The following WWC2 variants were observed in gnomAD, a reference collection of about 807,000 sequenced individuals.
WWC2 encodes the protein protein WWC2.
A neutral mutation model predicts 138.5 loss-of-function variants in WWC2; 101 were observed. The ratio of observed to expected loss-of-function variants is 0.73; its 90% CI spans 0.62 to 0.86. The LOEUF (loss-of-function observed/expected upper bound fraction) is 0.86. WWC2 is among the 40% of genes least tolerant of loss of function. The probability of loss-of-function intolerance (pLI) is 0.00; values close to 1 mark genes in which losing one functional copy is unlikely to be tolerated. For missense variants in WWC2, 1,420 were observed against 1,419.4 expected, an observed-to-expected ratio of 1.00 and a Z score of -0.01; for synonymous variants, 558 against 538.4, an observed-to-expected ratio of 1.04 and a Z score of -0.50.
intron 14 of WWC2, among the ~76,000 whole-genome samples, chr4:183,267,021 G>GA (rs1737524101): frequency 6.6e-6 from 1 of 151,924 alleles, no homozygotes; most frequent in African/African-American, 2.4e-5. Context: ...GAAGAATAGA[G>GA]ATAGTGGCTT....
chr4:183,205,765 C>G (rs1735430504), intron 2 of WWC2, among the ~76,000 whole-genome samples: 1 of 152,148 alleles, frequency 6.6e-6, no homozygotes. Context: ...GCTGTGGTCT[C>G]CACTGGATTC....
intron 4 of WWC2, among the ~76,000 whole-genome samples, chr4:183,225,638 ATAAC>A (rs1302643661): frequency 4.6e-5 from 7 of 152,242 alleles, no homozygotes; most frequent in African/African-American, 9.6e-5. Context: ...ATCAAATGCA[ATAAC>A]TAACAGGATG....
chr4:183,230,855 G>C (rs1428310105), intron 4 of WWC2, among the ~76,000 whole-genome samples: 1 of 152,106 alleles, frequency 6.6e-6, no homozygotes, highest in East Asian at 1.9e-4. Context: ...AAGAAATAAA[G>C]AGACATGAGA....
intron 4 of WWC2, among the ~76,000 whole-genome samples, chr4:183,220,833 CAAAAAG>C (rs1735914098): frequency 9.5e-6 from 1 of 105,076 alleles, no homozygotes; most frequent in Non-Finnish European, 1.9e-5. Context: ...GACTCCGTCT[CAAAAAG>C]AAAAAAAAAA....
chr4:183,143,820 CA>C (rs112704293), intron 1 of WWC2, among the ~76,000 whole-genome samples: 94 of 139,668 alleles, frequency 6.7e-4, no homozygotes, highest in Admixed American at 8.6e-4. Context: ...CTCCTCCCCG[CA>C]AAAAAAAAAA....
At chr4:183,238,805 TA>T (rs1736515371) in intron 4 of WWC2, among the ~76,000 whole-genome samples, 1 of 152,182 alleles carries the variant, frequency 6.6e-6, no homozygotes, top group Admixed American at 6.5e-5. Flanking sequence ...TGGTAATTAC[TA>T]AGATTTCTTT....
At position 183,249,370 on chromosome 4, in the gene WWC2, C is replaced by G. The variant is rs369741088; in HGVS notation, c.879+510C>G. 3.3e-4 allele frequency among the ~76,000 whole-genome samples: 50 copies of G among 152,206 alleles called. 1 individual carries two copies. In the East Asian group the frequency reaches 5.8e-3, roughly 18 times the overall value. ...TTTTACCTTCTCCATTTTGGGATGC[C>G]ATTAGCAGGTATTTACTTCTCAATA... is the stretch of plus-strand genomic sequence containing the variant. On this transcript the variant is annotated intron_variant, in intron 7 of 22. Transcript: ENST00000403733.
intron 1 of WWC2, among the ~76,000 whole-genome samples, chr4:183,187,725 T>G (rs1335819882): frequency 6.6e-6 from 1 of 151,046 alleles, no homozygotes; most frequent in Non-Finnish European, 1.5e-5. Flanking sequence ...ACAAAAAAAT[T>G]AGCTGGGCGT....
At chr4:183,212,557 GTTA>G (rs1440802073) in intron 4 of WWC2, among the ~76,000 whole-genome samples, 4 of 152,168 alleles carry the variant, frequency 2.6e-5, no homozygotes, top group East Asian at 1.9e-4. Flanking sequence ...TTCTCAGCAA[GTTA>G]TTATTACTTC....
At chr4:183,268,532 C>A (rs1737582237) in intron 14 of WWC2, among the ~76,000 whole-genome samples, 1 of 152,174 alleles carries the variant, frequency 6.6e-6, no homozygotes, top group Non-Finnish European at 1.5e-5. Context: ...GGGAGGTGAT[C>A]ATCAGCATCT....
At chr4:183,151,391 A>T (rs1561437624) in intron 1 of WWC2, among the ~76,000 whole-genome samples, 3 of 151,796 alleles carry the variant, frequency 2.0e-5, no homozygotes, top group Non-Finnish European at 4.4e-5. Flanking sequence ...GGGTTGTTTG[A>T]TTTTTTCTTG....
At chr4:183,308,952 A>G (rs1739114351) in intron 21 of WWC2, among the ~76,000 whole-genome samples, 1 of 152,190 alleles carries the variant, frequency 6.6e-6, no homozygotes, top group African/African-American at 2.4e-5. Context: ...GACCTTTGAC[A>G]GAGGAGCAAA....
chr4:183,204,920 A>G (rs1045527479), intron 2 of WWC2, among the ~76,000 whole-genome samples: 1 of 152,132 alleles, frequency 6.6e-6, no homozygotes, highest in Admixed American at 6.5e-5. Context: ...AGAGTCTTAT[A>G]TATTGCTGTT....
rs907057722 is a variant in WWC2, at chr4:183,251,171, C to G, written c.953+1178C>G. 2.6e-5 allele frequency among the ~76,000 whole-genome samples: 4 copies of G among 152,306 alleles called. No homozygotes were observed. The South Asian group carries it at 8.3e-4, about 32-fold the overall frequency. Reference sequence around the variant, plus strand: ...TTCAGGTTAGGGAAAAATGTTTAGGCTTTATTATCTCCTTCTCAGTGCCCA... The same window carrying G: ...TTCAGGTTAGGGAAAAATGTTTAGGGTTTATTATCTCCTTCTCAGTGCCCA... On this transcript the variant is annotated intron_variant, in intron 8 of 22. Transcript: ENST00000403733.
intron 1 of WWC2, among the ~76,000 whole-genome samples, chr4:183,167,150 TCTC>T (rs964430722): frequency 1.3e-5 from 2 of 152,186 alleles, no homozygotes; most frequent in African/African-American, 4.8e-5. Context: ...GTGTGGTTCT[TCTC>T]TGTGTGAACT....
At chr4:183,287,287 G>A (rs1319564155) in intron 20 of WWC2, among the ~76,000 whole-genome samples, 1 of 152,166 alleles carries the variant, frequency 6.6e-6, no homozygotes, top group African/African-American at 2.4e-5. Flanking sequence ...GTCATTTTCA[G>A]GAAATTCTGA....
At chr4:183,108,695 C>T (rs536384873) in intron 1 of WWC2, among the ~76,000 whole-genome samples, 1 of 152,160 alleles carries the variant, frequency 6.6e-6, no homozygotes, top group African/African-American at 2.4e-5. Context: ...ACTGCAGCCT[C>T]AGCCTCCCGG....
chr4:183,269,205 T>C, intron 15 of WWC2, 42 bp downstream of exon 15: 2 of 1,537,636 alleles, frequency 1.3e-6, no homozygotes, highest in South Asian at 2.4e-5. Context: ...AGCACTTAGA[T>C]TGGGTGGTCT....
At chr4:183,171,058 A>G (rs907457579) in intron 1 of WWC2, among the ~76,000 whole-genome samples, 18 of 152,334 alleles carry the variant, frequency 1.2e-4, no homozygotes, top group Admixed American at 9.8e-4. Flanking sequence ...AGATGCAACC[A>G]TAAGGAAGCT....
Sources: gnomAD v4.1 joint callset for allele counts (sites outside exome capture counted in the v4.1 genomes callset) on GRCh38, gnomAD v4.1.1 for gene constraint, MANE v1.5 for transcripts, NCBI Gene and HGNC (gene_info 2026-07-23, HGNC 2026-07-21) for gene names.